NOVA1: variants seen among roughly 807,000 people sequenced by gnomAD.
NOVA1 encodes NOVA alternative splicing regulator 1.
In NOVA1, 7 loss-of-function variants were observed where a neutral mutation model predicts 38.0. The ratio of observed to expected loss-of-function variants is 0.18; its 90% CI spans 0.10 to 0.35. NOVA1 has a LOEUF of 0.35. Ranked by LOEUF, NOVA1 falls within the 10% of genes least tolerant of loss-of-function variation. The pLI is 1.00. For missense variants in NOVA1, 460 were observed against 616.0 expected (o/e 0.75, Z 2.68); for synonymous variants, 270 against 232.5 (o/e 1.16, Z -1.47).
chr14:26,466,018 C>G (rs1420281101), intron 4 of NOVA1, among the ~76,000 whole-genome samples: 2 of 152,124 alleles, frequency 1.3e-5, no homozygotes, highest in East Asian at 3.9e-4. Flanking sequence ...ATAAGGAGGT[C>G]AGGTAAGCCT....
chr14:26,541,825 C>A (rs1459784312), intron 2 of NOVA1, among the ~76,000 whole-genome samples: 2 of 151,596 alleles, frequency 1.3e-5, no homozygotes, highest in African/African-American at 4.8e-5. Flanking sequence ...CTCACTTGGC[C>A]ATATTTTGTA....
chr14:26,469,503 TATG>T (rs4048390), intron 4 of NOVA1, among the ~76,000 whole-genome samples: 6,255 of 152,276 alleles, frequency 0.041, 186 homozygotes, highest in South Asian at 0.097. Flanking sequence ...CTAACATTTA[TATG>T]ATGTTTATTA....
At chr14:26,508,143 ATAAC>A (rs1887783161) in intron 2 of NOVA1, among the ~76,000 whole-genome samples, 1 of 152,094 alleles carries the variant, frequency 6.6e-6, no homozygotes, top group Non-Finnish European at 1.5e-5. Context: ...TAGTTTATTA[ATAAC>A]TAATATGGCA....
chr14:26,507,880 T>TACAACAAAAACAAAAACAA (rs1566488678), intron 2 of NOVA1, among the ~76,000 whole-genome samples: 1 of 150,978 alleles, frequency 6.6e-6, no homozygotes, highest in Non-Finnish European at 1.5e-5. Flanking sequence ...AACAAAAACA[T>TACAACAAAAACAAAAACAA]ACAACAAAAA....
At chr14:26,483,155 T>C (rs921502223) in intron 2 of NOVA1, among the ~76,000 whole-genome samples, 1 of 152,210 alleles carries the variant, frequency 6.6e-6, no homozygotes, top group African/African-American at 2.4e-5. Context: ...TTTCTAAAAT[T>C]ACATACAATT....
intron 2 of NOVA1, among the ~76,000 whole-genome samples, chr14:26,481,185 T>A (rs1413887469): frequency 6.6e-6 from 1 of 152,044 alleles, no homozygotes; most frequent in Non-Finnish European, 1.5e-5. Flanking sequence ...TTCTAAACAG[T>A]TGTTAAAATT....
chr14:26,588,992 C>A (rs1893688424), intron 2 of NOVA1, among the ~76,000 whole-genome samples: 1 of 150,630 alleles, frequency 6.6e-6, no homozygotes, highest in South Asian at 2.1e-4. Context: ...GTTTACAAAA[C>A]AAAAAAATAG....
At chr14:26,504,068 G>GT (rs1887445891) in intron 2 of NOVA1, among the ~76,000 whole-genome samples, 1 of 151,904 alleles carries the variant, frequency 6.6e-6, no homozygotes, top group African/African-American at 2.4e-5. Context: ...TTCCTAGAAG[G>GT]TATATATACC....
At chr14:26,596,242 TTAA>T (rs1894179958) in intron 1 of NOVA1, among the ~76,000 whole-genome samples, 1 of 152,214 alleles carries the variant, frequency 6.6e-6, no homozygotes, top group Non-Finnish European at 1.5e-5. Context: ...TTAAAGGACC[TTAA>T]GAAGAATTCT....
chr14:26,578,071 A>T (rs1892973081), intron 2 of NOVA1, among the ~76,000 whole-genome samples: 1 of 152,076 alleles, frequency 6.6e-6, no homozygotes, highest in South Asian at 2.1e-4. Context: ...GCAAAATGAA[A>T]TGTTTCAAAA....
chr14:26,590,106 T>C (rs1893755975), intron 2 of NOVA1, among the ~76,000 whole-genome samples: 1 of 151,824 alleles, frequency 6.6e-6, no homozygotes. Flanking sequence ...ACAACTAACC[T>C]CTTCTCTCTA....
intron 2 of NOVA1, among the ~76,000 whole-genome samples, chr14:26,539,622 T>C (rs1043999343): frequency 1.9e-4 from 28 of 151,348 alleles, no homozygotes; most frequent in Admixed American, 1.4e-3. Context: ...AGGAGAGAAA[T>C]GGGAAGAAAA....
intron 2 of NOVA1, among the ~76,000 whole-genome samples, chr14:26,585,421 C>T (rs1893456939): frequency 7.3e-5 from 11 of 151,106 alleles, no homozygotes; most frequent in Admixed American, 7.3e-4. Context: ...AATGTAACCT[C>T]CCCCAACAAA....
At chr14:26,513,550 G>T (rs533487799) in intron 2 of NOVA1, among the ~76,000 whole-genome samples, 2 of 151,736 alleles carry the variant, frequency 1.3e-5, no homozygotes, top group Admixed American at 1.3e-4. Flanking sequence ...AAATCCAGAA[G>T]AAAATGTCAG....
intron 2 of NOVA1, among the ~76,000 whole-genome samples, chr14:26,578,611 T>C (rs985436049): frequency 6.6e-6 from 1 of 151,180 alleles, no homozygotes; most frequent in Non-Finnish European, 1.5e-5. Context: ...GCTTATGAAA[T>C]TTTTAGAATT....
intron 2 of NOVA1, among the ~76,000 whole-genome samples, chr14:26,540,546 T>A (rs1051082036): frequency 6.6e-6 from 1 of 152,254 alleles, no homozygotes; most frequent in East Asian, 1.9e-4. Flanking sequence ...ATCTAAATTA[T>A]AGTAAAAGCC....
chr14:26,556,279 G>T (rs1289070221), intron 2 of NOVA1, among the ~76,000 whole-genome samples: 1 of 152,016 alleles, frequency 6.6e-6, no homozygotes, highest in Non-Finnish European at 1.5e-5. Flanking sequence ...ATGTGGTACT[G>T]GTAAAATAAC....
chr14:26,534,305 G>C (rs1490012521), intron 2 of NOVA1, among the ~76,000 whole-genome samples: 1 of 152,124 alleles, frequency 6.6e-6, no homozygotes, highest in Non-Finnish European at 1.5e-5. Flanking sequence ...ATATGTCCAA[G>C]ATGTATGTTA....
At chr14:26,488,641 C>A (rs1886099196) in intron 2 of NOVA1, among the ~76,000 whole-genome samples, 1 of 152,106 alleles carries the variant, frequency 6.6e-6, no homozygotes, top group Admixed American at 6.5e-5. Context: ...TTTAGGATCA[C>A]TATAGCAATC....
Sources: allele counts gnomAD v4.1 joint callset (sites outside exome capture counted in the v4.1 genomes callset), GRCh38; gene constraint gnomAD v4.1.1; transcripts MANE v1.5; gene names NCBI Gene and HGNC (gene_info 2026-07-23, HGNC 2026-07-21).